The following ARFGEF3 variants were observed in gnomAD, a reference collection of about 807,000 sequenced individuals.
The protein encoded by ARFGEF3 is ARFGEF family member 3.
In ARFGEF3, 96 loss-of-function variants were observed where a neutral mutation model predicts 221.7. The ratio of observed to expected loss-of-function variants is 0.43; its 90% CI spans 0.37 to 0.51. The LOEUF (loss-of-function observed/expected upper bound fraction) is 0.51. ARFGEF3 is among the 20% of genes least tolerant of loss of function. The pLI, the probability that ARFGEF3 is intolerant of heterozygous loss-of-function variation, is 0.00. For synonymous variants in ARFGEF3, 1,145 were observed against 1,126.8 expected (o/e 1.02, Z -0.32); for missense variants, 2,410 against 2,789.9 (o/e 0.86, Z 3.07).
In ARFGEF3 at chr6:138,237,945, G is replaced by T. The variant is rs138695732; in HGVS notation, c.421-564G>T. On this transcript the variant is annotated intron_variant, in intron 5 of 33. Coordinates refer to ENST00000251691, the MANE Select transcript of ARFGEF3 (RefSeq NM_020340.5). ...ACCAGGTATTTATAGTTGATTCACAGTTCTCCCAATTCAGATGTAGTGTAG... is the reference window on the plus strand; with the variant it reads ...ACCAGGTATTTATAGTTGATTCACATTTCTCCCAATTCAGATGTAGTGTAG... Among the ~76,000 whole-genome samples the T allele has an allele frequency of 8.6e-4, 131 of 152,310 alleles. 2 individuals are homozygous for T. The highest frequency in any genetic ancestry group is 3.0e-3 in the African/African-American group (123 of 41,576).
intron 2 of ARFGEF3, among the ~76,000 whole-genome samples, chr6:138,186,607 A>G (rs1179498627): frequency 6.6e-6 from 1 of 152,182 alleles, no homozygotes; most frequent in African/African-American, 2.4e-5. Flanking sequence ...CTGATCTACT[A>G]CTTGGAGCTG....
At chr6:138,241,800 G>A (rs1778397058) in intron 6 of ARFGEF3, among the ~76,000 whole-genome samples, 1 of 152,180 alleles carries the variant, frequency 6.6e-6, no homozygotes. Context: ...CTGCATGCCA[G>A]GACAGACGAT....
chr6:138,178,094 C>A (rs75544721), intron 2 of ARFGEF3, among the ~76,000 whole-genome samples: 6,139 of 152,142 alleles, frequency 0.04, 139 homozygotes, highest in Middle Eastern at 0.092. Flanking sequence ...GTAGCTTCCT[C>A]TTTCTGAATT....
chr6:138,207,798 A>G (rs916080096), intron 3 of ARFGEF3, among the ~76,000 whole-genome samples: 2 of 152,200 alleles, frequency 1.3e-5, no homozygotes, highest in African/African-American at 2.4e-5. Context: ...CAGTGTGGCG[A>G]TGGATAAACC....
chr6:138,305,147 A>T (rs960225729), intron 22 of ARFGEF3, among the ~76,000 whole-genome samples: 2 of 152,016 alleles, frequency 1.3e-5, no homozygotes, highest in Non-Finnish European at 2.9e-5. Context: ...ACTAAGGATG[A>T]AATAATATCA....
intron 7 of ARFGEF3, among the ~76,000 whole-genome samples, chr6:138,243,896 G>A (rs931417294): frequency 1.3e-5 from 2 of 152,114 alleles, no homozygotes; most frequent in South Asian, 2.1e-4. Flanking sequence ...CTTGGGCCGC[G>A]GACTGGAAGG....
In ARFGEF3 at chr6:138,335,203, C is replaced by G; in HGVS notation, c.6342+15C>G. 1 of 1,513,276 alleles carries G rather than the reference C, an allele frequency of 6.6e-7. No homozygotes were observed. Among genetic ancestry groups the G allele is most frequent in the Non-Finnish European group, 8.8e-7 (1 of 1,140,396 alleles). The allele number at this position is 1,513,276 out of a possible 1,614,324, so 93.7% of individuals were successfully genotyped here. A position where few individuals can be genotyped will look rare whatever the true frequency, so the allele number is the denominator to read the frequency against. ...CACAGATCCAGGTACATCCCTGTGG[C>G]CACAGCAGGTGGGCGGGAGGCTGGG... On this transcript the variant is annotated intron_variant, in intron 33 of 33. Transcript: ENST00000251691.
chr6:138,201,532 G>T (rs1777536346), intron 2 of ARFGEF3, among the ~76,000 whole-genome samples: 1 of 152,210 alleles, frequency 6.6e-6, no homozygotes, highest in Admixed American at 6.5e-5. Flanking sequence ...ACCTGGATAA[G>T]ATTGGAGACT....
At chr6:138,274,622 CCCATCTCTACTAAAAATACAAAATTAG>C (rs754923059) in intron 12 of ARFGEF3, among the ~76,000 whole-genome samples, 3 of 151,496 alleles carry the variant, frequency 2.0e-5, no homozygotes, top group Non-Finnish European at 4.4e-5. Flanking sequence ...ATGGAGAAAC[CCCATCTCTACTAAAAATACAAAATTAG>C]CCAGGCATGG....
intron 1 of ARFGEF3, among the ~76,000 whole-genome samples, chr6:138,170,430 G>A (rs1441213249): frequency 6.6e-6 from 1 of 152,154 alleles, no homozygotes; most frequent in African/African-American, 2.4e-5. Flanking sequence ...TTAGGGAAAT[G>A]TGCCCTAACT....
At chr6:138,173,402 T>C (rs1327121747) in intron 2 of ARFGEF3, among the ~76,000 whole-genome samples, 2 of 152,216 alleles carry the variant, frequency 1.3e-5, no homozygotes, top group East Asian at 3.8e-4. Context: ...TGTTTCCTCA[T>C]CCAAAGTGTT....
intron 2 of ARFGEF3, among the ~76,000 whole-genome samples, chr6:138,173,135 TAAA>T (rs1776872276): frequency 6.6e-6 from 1 of 151,856 alleles, no homozygotes; most frequent in South Asian, 2.1e-4. Flanking sequence ...ATTTTACTGT[TAAA>T]GAAGAGTTCA....
chr6:138,211,820 C>G (rs964689990), intron 4 of ARFGEF3, among the ~76,000 whole-genome samples: 1 of 152,152 alleles, frequency 6.6e-6, no homozygotes, highest in South Asian at 2.1e-4. Flanking sequence ...GATTCCATCC[C>G]GCCCAGCAGT....
intron 28 of ARFGEF3, 40 bp downstream of exon 28, chr6:138,319,919 T>C (rs1779992909): frequency 6.3e-7 from 1 of 1,575,442 alleles, no homozygotes; most frequent in Admixed American, 1.7e-5. Flanking sequence ...GGGTATTTCT[T>C]TGGTAGACAG....
At chr6:138,329,897 G>A (rs531140571) in intron 32 of ARFGEF3, among the ~76,000 whole-genome samples, 2 of 152,186 alleles carry the variant, frequency 1.3e-5, no homozygotes, top group Admixed American at 6.5e-5. Flanking sequence ...GGGTGCAGGC[G>A]GGCTGAGTCA....
chr6:138,298,975 G>A (rs1235732689), intron 22 of ARFGEF3, among the ~76,000 whole-genome samples, 190 bp downstream of exon 22: 9 of 152,074 alleles, frequency 5.9e-5, no homozygotes, highest in East Asian at 1.9e-4. Flanking sequence ...CAAGGTGGGC[G>A]GATCACGAGG....
In ARFGEF3 at chr6:138,339,839, A is replaced by G. The variant is rs984352281; in HGVS notation, c.*3353A>G. 6.6e-6 allele frequency: 1 copy of G among 152,248 alleles called. No homozygotes were observed. Among genetic ancestry groups the G allele is most frequent in the African/African-American group, 2.4e-5 (1 of 41,460 alleles). The allele number at this position is 152,248 out of a possible 1,614,324, so 9.4% of individuals were successfully genotyped here. A position where few individuals can be genotyped will look rare whatever the true frequency, so the allele number is the denominator to read the frequency against. Reference sequence around the variant, plus strand: ...TTGTGGTAATTTTCCAGCCTTCCCCATAGATATAAAACTAGAACACCTTTA... The same window carrying G: ...TTGTGGTAATTTTCCAGCCTTCCCCGTAGATATAAAACTAGAACACCTTTA... On this transcript the variant is annotated 3_prime_UTR_variant, in exon 34 of 34. Coordinates refer to ENST00000251691, the MANE Select transcript of ARFGEF3 (RefSeq NM_020340.5).
At position 138,328,031 on chromosome 6, in the gene ARFGEF3, T is replaced by C; in HGVS notation, c.5012T>C (p.Leu1671Pro). The change falls in exon 32 of 34, where the codon CTG becomes CCG. Residue 1671 changes from leucine (L) to proline (P), a missense_variant. By Grantham distance (98) the Leu-to-Pro change is moderately conservative (BLOSUM62 -3). Coordinates refer to ENST00000251691, the MANE Select transcript of ARFGEF3 (RefSeq NM_020340.5). ...TGCACCCCCATACAGGTGTTTATGCTGGACACCCAGTGCTCACCAAAGACA... is the reference window on the plus strand; with the variant it reads ...TGCACCCCCATACAGGTGTTTATGCCGGACACCCAGTGCTCACCAAAGACA... The part of the protein sequence containing the change: ...IRAMAQQVFM[L>P]DTQCSPKTPN... 1 of 1,553,050 alleles carries C rather than the reference T, an allele frequency of 6.4e-7. No individual in the cohort carries two copies. The highest frequency in any genetic ancestry group is 1.2e-5 in the South Asian group (1 of 84,116).
intron 4 of ARFGEF3, chr6:138,218,084 G>A (rs747461084): frequency 6.2e-7 from 1 of 1,613,930 alleles, no homozygotes; most frequent in Non-Finnish European, 8.5e-7. Flanking sequence ...TGAATAATAT[G>A]GCTTCTGAAG....
Sources: allele counts gnomAD v4.1 joint callset (sites outside exome capture counted in the v4.1 genomes callset), GRCh38; gene constraint gnomAD v4.1.1; transcripts MANE v1.5; gene names NCBI Gene and HGNC (gene_info 2026-07-23, HGNC 2026-07-21).